Variants in RAD50 observed in about 807,000 individuals in gnomAD.
The protein encoded by RAD50 is DNA repair protein RAD50.
In RAD50, 132 loss-of-function variants were observed where a neutral mutation model predicts 168.8. The ratio of observed to expected loss-of-function variants is 0.78; its 90% confidence interval spans 0.68 to 0.90. RAD50 has a LOEUF of 0.90. Ranked by LOEUF, RAD50 falls within the 40% of genes least tolerant of loss-of-function variation. The pLI is 0.00. For missense variants in RAD50, 1,347 were observed against 1,534.4 expected (o/e 0.88, Z 2.04); for synonymous variants, 525 against 497.4 (o/e 1.06, Z -0.74).
intron 20 of RAD50, among the ~76,000 whole-genome samples, chr5:132,617,759 A>C (rs542005164): frequency 6.6e-6 from 1 of 152,316 alleles, no homozygotes; most frequent in Admixed American, 6.5e-5. Context: ...TGAATTTGTA[A>C]TATTAATCAC....
At chr5:132,571,172 C>A (rs995338503) in intron 2 of RAD50, among the ~76,000 whole-genome samples, 4 of 151,996 alleles carry the variant, frequency 2.6e-5, no homozygotes, top group African/African-American at 7.3e-5. Context: ...ATAACAGATA[C>A]AATAATAATG....
At chr5:132,601,985 G>T (rs1750897340) in intron 13 of RAD50, among the ~76,000 whole-genome samples, 1 of 152,068 alleles carries the variant, frequency 6.6e-6, no homozygotes, top group Non-Finnish European at 1.5e-5. Context: ...GTCTGCTGGT[G>T]GGGGGCTAGG....
chr5:132,645,059 A>AGAT lies in RAD50; in HGVS notation c.*2696_*2698dup, dbSNP rs1290842427. On this transcript the variant is annotated 3_prime_UTR_variant, in exon 25 of 25. Coordinates refer to ENST00000378823, the MANE Select transcript of RAD50 (RefSeq NM_005732.4). ...CCCCTTTTTGTTTCCTCCAGTGAGA[A>AGAT]GATACTCAGTTCTATGGTCTTATTC... The AGAT allele has an allele frequency of 6.6e-6, 1 of 152,148 alleles. No individual in the cohort carries two copies. The highest frequency in any genetic ancestry group is 2.4e-5 in the African/African-American group (1 of 41,408). The allele number at this position is 152,148 out of a possible 1,614,324, so 9.4% of individuals were successfully genotyped here. A position where few individuals can be genotyped will look rare whatever the true frequency, so the allele number is the denominator to read the frequency against.
chr5:132,591,019 C>A (rs1045357020), intron 9 of RAD50, among the ~76,000 whole-genome samples: 12 of 152,142 alleles, frequency 7.9e-5, no homozygotes, highest in African/African-American at 2.9e-4. Flanking sequence ...TTTACTAATT[C>A]TCTACCATTA....
At chr5:132,619,819 T>TCTCTCTCTCCTC (rs1751246342) in intron 21 of RAD50, among the ~76,000 whole-genome samples, 2 of 116,392 alleles carry the variant, frequency 1.7e-5, no homozygotes, top group African/African-American at 9.3e-5. Flanking sequence ...TCTACTCCTC[T>TCTCTCTCTCCTC]CTCTCTCTCT....
intron 2 of RAD50, among the ~76,000 whole-genome samples, chr5:132,565,337 T>C (rs1750189228): frequency 6.6e-6 from 1 of 152,070 alleles, no homozygotes; most frequent in Admixed American, 6.5e-5. Context: ...ACAACCATAA[T>C]CTTAATATAT....
chr5:132,575,417 C>G (rs1355429044), intron 2 of RAD50, among the ~76,000 whole-genome samples: 1 of 152,164 alleles, frequency 6.6e-6, no homozygotes, highest in Non-Finnish European at 1.5e-5. Context: ...TGTGGAAATT[C>G]AAGATGAGAT....
chr5:132,627,230 C>G (rs1038743390), intron 21 of RAD50, among the ~76,000 whole-genome samples: 5 of 152,118 alleles, frequency 3.3e-5, no homozygotes, highest in African/African-American at 1.2e-4. Context: ...ACTTATACTT[C>G]CTGGTTTAGA....
intron 2 of RAD50, among the ~76,000 whole-genome samples, chr5:132,572,138 G>A (rs181080209): frequency 6.6e-6 from 1 of 152,210 alleles, no homozygotes; most frequent in African/African-American, 2.4e-5. Context: ...AATCATATGA[G>A]CATCAATAGA....
intron 20 of RAD50, among the ~76,000 whole-genome samples, chr5:132,616,708 A>G (rs1751184264): frequency 6.6e-6 from 1 of 152,188 alleles, no homozygotes; most frequent in Non-Finnish European, 1.5e-5. Flanking sequence ...GGAATTCTGT[A>G]AGAACCTTGT....
At position 132,579,871 on chromosome 5, in the gene RAD50, A is replaced by T. The variant is rs1245861537; in HGVS notation, c.561A>T (p.Lys187Asn). The T allele has an allele frequency of 6.2e-7, 1 of 1,610,578 alleles. No individual in the cohort carries two copies. Among genetic ancestry groups the T allele is most frequent in the Admixed American group, 1.7e-5 (1 of 60,006 alleles). Reference protein sequence around the residue: ...DEIFSATRYIKALETLRQVRQ... With the variant: ...DEIFSATRYINALETLRQVRQ... ...TTTCATATCTTCAAAGATACATTAAAGCCTTAGAAACACTTCGGCAGGTAC... is the reference window on the plus strand; with the variant it reads ...TTTCATATCTTCAAAGATACATTAATGCCTTAGAAACACTTCGGCAGGTAC... Residue 187 changes from lysine to asparagine, a missense_variant, in exon 5 of 25, where the codon AAA becomes AAT. Transcript: ENST00000378823.
At chr5:132,632,054 A>G (rs1277491102) in intron 21 of RAD50, among the ~76,000 whole-genome samples, 1 of 152,146 alleles carries the variant, frequency 6.6e-6, no homozygotes, top group African/African-American at 2.4e-5. Context: ...TGACTTCCAT[A>G]CCTGGGCTTT....
intron 2 of RAD50, among the ~76,000 whole-genome samples, chr5:132,563,146 G>C (rs1750149729): frequency 6.6e-6 from 1 of 151,082 alleles, no homozygotes; most frequent in African/African-American, 2.5e-5. Flanking sequence ...CAGGATAAAG[G>C]AAAGTTTTGT....
chr5:132,630,605 A>G (rs957317656), intron 21 of RAD50: 4 of 152,242 alleles, frequency 2.6e-5, no homozygotes, highest in African/African-American at 9.6e-5. Flanking sequence ...ACACCTAAAC[A>G]AATGTTTATC....
intron 13 of RAD50, among the ~76,000 whole-genome samples, chr5:132,603,024 G>A (rs1420643050): frequency 6.6e-6 from 1 of 152,166 alleles, no homozygotes; most frequent in East Asian, 1.9e-4. Flanking sequence ...TATTTACATA[G>A]TCTCAACATT....
intron 21 of RAD50, among the ~76,000 whole-genome samples, chr5:132,631,308 T>TA (rs1751461286): frequency 6.6e-6 from 1 of 151,970 alleles, no homozygotes. Flanking sequence ...TTAGTAGAGA[T>TA]AGAGTTTTAC....
At chr5:132,558,718 C>CAAAA (rs35515008) in intron 1 of RAD50, among the ~76,000 whole-genome samples, 5 of 75,792 alleles carry the variant, frequency 6.6e-5, no homozygotes, top group African/African-American at 1.4e-4. Context: ...TCTCCCCCCA[C>CAAAA]AAAAAAAAAA....
In RAD50 at chr5:132,604,957, G is replaced by A; in HGVS notation, c.2676G>A (p.Val892=). ...QRRQQLEEQT[V]ELSTEVQSLY... is the part of the protein sequence containing the mutation. The stretch of plus-strand genomic sequence containing the variant: ...GTCAGCAACTGGAGGAGCAGACTGT[G>A]GAATTATCCACTGAAGTTCAGTCTT... Residue 892 remains valine (V), a synonymous_variant, in exon 16 of 25, where the codon GTG becomes GTA. Coordinates refer to ENST00000378823, the MANE Select transcript of RAD50 (RefSeq NM_005732.4). The A allele has an allele frequency of 6.2e-7, 1 of 1,613,818 alleles. No homozygotes were observed. Among genetic ancestry groups the A allele is most frequent in the Non-Finnish European group, 8.5e-7 (1 of 1,179,798 alleles).
intron 16 of RAD50, 139 bp downstream of exon 16, chr5:132,605,138 G>A: frequency 3.6e-6 from 2 of 555,274 alleles, no homozygotes; most frequent in Non-Finnish European, 5.9e-6. Flanking sequence ...TCCATCTCCT[G>A]GGTTCAAGTG....
Sources: allele counts gnomAD v4.1 joint callset (sites outside exome capture counted in the v4.1 genomes callset), GRCh38; gene constraint gnomAD v4.1.1; transcripts MANE v1.5; gene names NCBI Gene and HGNC (gene_info 2026-07-23, HGNC 2026-07-21).